The following NOTCH1 variants were observed in gnomAD, a reference collection of about 807,000 sequenced individuals.
NOTCH1 encodes notch receptor 1.
NOTCH1 carries 37 observed loss-of-function variants against 254.8 expected under a neutral mutation model. The ratio of observed to expected loss-of-function variants is 0.15; its 90% CI spans 0.11 to 0.19. The LOEUF (loss-of-function observed/expected upper bound fraction) is 0.19. Ranked by LOEUF, NOTCH1 falls within the 10% of genes least tolerant of loss-of-function variation. The probability of loss-of-function intolerance (pLI) is 1.00; values close to 1 mark genes in which losing one functional copy is unlikely to be tolerated. For missense variants in NOTCH1, 2,972 were observed against 3,708.6 expected, an observed-to-expected ratio of 0.80 and a Z score of 5.16; for synonymous variants, 1,731 against 1,618.1, an observed-to-expected ratio of 1.07 and a Z score of -1.68.
At chr9:136,498,365 C>A (rs1842948618) in intron 33 of NOTCH1, among the ~76,000 whole-genome samples, 1 of 152,118 alleles carries the variant, frequency 6.6e-6, no homozygotes, top group Admixed American at 6.5e-5. Context: ...CTGGGGGTGG[C>A]TCCCCTTGGA....
chr9:136,506,782 G>T lies in NOTCH1; in HGVS notation c.3835C>A (p.Arg1279Ser). The stretch of plus-strand genomic sequence containing the variant: ...CGCTGCACGCAGTTCTGGGTGCCAC[G>T]GGCGTCGCAGGGATTGGACAGGCAC... ...NECLSNPCDA[R>S]GTQNCVQRVN... The change falls in exon 23 of 34, where the codon CGT becomes AGT. Residue 1279 changes from arginine to serine, a missense_variant. By Grantham distance (110) the Arg-to-Ser change is moderately radical (BLOSUM62 -1). Coordinates refer to ENST00000651671, the MANE Select transcript of NOTCH1 (RefSeq NM_017617.5). This position sits in a 1 kb window ranked among gnomAD's most constrained non-coding sequence, Gnocchi z 4.5. 6.2e-7 allele frequency: 1 copy of T among 1,610,110 alleles called. No individual in the cohort carries two copies.
At chr9:136,526,997 C>T (rs1015874368) in intron 2 of NOTCH1, among the ~76,000 whole-genome samples, 10 of 152,216 alleles carry the variant, frequency 6.6e-5, no homozygotes, top group African/African-American at 2.4e-4. Flanking sequence ...GCCCCTGCCA[C>T]GGCCCCACAG....
intron 3 of NOTCH1, 150 bp from the exon 4 acceptor site, chr9:136,523,338 G>A (rs2133378257): frequency 1.3e-5 from 11 of 861,508 alleles, no homozygotes; most frequent in South Asian, 8.8e-5. Context: ...GAGACCGGTC[G>A]CCTTTGGCAG....
At chr9:136,517,982 C>T (rs1343387534) in intron 7 of NOTCH1, 45 bp from the exon 8 acceptor site, 5 of 1,598,026 alleles carry the variant, frequency 3.1e-6, no homozygotes, top group Non-Finnish European at 2.5e-6. Context: ...GCACCCTGGC[C>T]CCTGCAACAC....
At chr9:136,504,591 C>T (rs1812906932) in intron 26 of NOTCH1, 82 bp downstream of exon 26, 2 of 1,375,808 alleles carry the variant, frequency 1.5e-6, no homozygotes, top group Non-Finnish European at 1.9e-6. Flanking sequence ...TGCCATGGCG[C>T]CGGCCGTGAG....
chr9:136,527,914 G>A (rs1230094238), intron 2 of NOTCH1, among the ~76,000 whole-genome samples: 1 of 152,106 alleles, frequency 6.6e-6, no homozygotes, highest in Admixed American at 6.5e-5. Context: ...CTTTGTTCCC[G>A]CCTCAGTATT....
chr9:136,536,176 C>T (rs543740950), intron 2 of NOTCH1, among the ~76,000 whole-genome samples: 202 of 152,288 alleles, frequency 1.3e-3, no homozygotes, highest in Non-Finnish European at 1.6e-3. Context: ...CCAGGCACCC[C>T]GATGCTAACA....
chr9:136,540,135 G>A lies in NOTCH1; in HGVS notation c.140+3889C>T, dbSNP rs1458179457. Among the ~76,000 whole-genome samples the A allele has an allele frequency of 2.0e-5, 3 of 152,104 alleles. No homozygotes were observed. The highest frequency in any genetic ancestry group is 4.8e-5 in the African/African-American group (2 of 41,390). ...ATCCAGACAGCTTTACGGGGCTGCCGGGAGCTATGCCAGGCCACCACCGGG... is the reference window on the plus strand; with the variant it reads ...ATCCAGACAGCTTTACGGGGCTGCCAGGAGCTATGCCAGGCCACCACCGGG... On this transcript the variant is annotated intron_variant, in intron 2 of 33. Coordinates refer to ENST00000651671, the MANE Select transcript of NOTCH1 (RefSeq NM_017617.5). The surrounding 1 kb of genome is among the most constrained non-coding windows in gnomAD (Gnocchi z 4.4).
rs1350355952 is a variant in NOTCH1 at position 136,518,442 on chromosome 9, G to C, written c.1099+149C>G. Reference sequence around the variant, plus strand: ...CCGTGACACTTGGGACGTTCCGGGGGACTCACAGCGACCACCGGCCTCCCT... The same window carrying C: ...CCGTGACACTTGGGACGTTCCGGGGCACTCACAGCGACCACCGGCCTCCCT... On this transcript the variant is annotated intron_variant, in intron 6 of 33. Transcript: ENST00000651671. 5 of 1,132,210 alleles carry C rather than the reference G, an allele frequency of 4.4e-6. No individual in the cohort carries two copies. In the East Asian group the frequency reaches 1.0e-4, roughly 23 times the overall value. 70.1% of individuals were successfully genotyped at this position (1,132,210 alleles called of 1,614,324 possible).
In NOTCH1 at chr9:136,507,350, C is replaced by T. The variant is rs544640305; in HGVS notation, c.3598G>A (p.Asp1200Asn). Residue 1200 changes from aspartate (D) to asparagine (N), a missense_variant, in exon 22 of 34, where the codon GAC (aspartate) becomes AAC (asparagine). Coordinates refer to ENST00000651671, the MANE Select transcript of NOTCH1 (RefSeq NM_017617.5). ...GAGCACTTGTAGGTGTTGGGGAGGT[C>T]GAGGCAGGTGCCCCCGTTCTGGCAG... is the stretch of plus-strand genomic sequence containing the variant. Reference protein sequence around the residue: ...HPCQNGGTCLDLPNTYKCSCP... With the variant: ...HPCQNGGTCLNLPNTYKCSCP... The T allele has an allele frequency of 4.1e-5, 66 of 1,612,892 alleles. No individual in the cohort carries two copies. The Middle Eastern group carries it at 8.3e-4, about 20-fold the overall frequency.
At chr9:136,500,137 G>A (rs936168036) in intron 31 of NOTCH1, among the ~76,000 whole-genome samples, 13 of 152,212 alleles carry the variant, frequency 8.5e-5, no homozygotes, top group Non-Finnish European at 1.8e-4. Context: ...TGCAGGCACC[G>A]AGCGGCAGCC....
chr9:136,540,713 T>C lies in NOTCH1; in HGVS notation c.140+3311A>G, dbSNP rs1318112747. Among the ~76,000 whole-genome samples the C allele has an allele frequency of 4.6e-5, 7 of 151,702 alleles. No individual in the cohort carries two copies. The East Asian group carries it at 1.4e-3, about 30-fold the overall frequency. ...GCCAGGCCAGGCCTCAGACACGAGG[T>C]TGTCCAAAGCTAAAGCGCACCACCC... On this transcript the variant is annotated intron_variant, in intron 2 of 33. Transcript: ENST00000651671. This position sits in a 1 kb window ranked among gnomAD's most constrained non-coding sequence, Gnocchi z 4.4.
chr9:136,527,747 C>T (rs1195442176), intron 2 of NOTCH1, among the ~76,000 whole-genome samples: 1 of 152,224 alleles, frequency 6.6e-6, no homozygotes, highest in Non-Finnish European at 1.5e-5. Context: ...CCTGTCCCAT[C>T]CCCCACGCTC....
rs746313097 is a variant in NOTCH1 at position 136,514,541 on chromosome 9, C to T, written c.2176G>A (p.Val726Ile). 2.4e-5 allele frequency: 38 copies of T among 1,598,820 alleles called. No individual in the cohort carries two copies. The highest frequency in any genetic ancestry group is 1.6e-4 in the Middle Eastern group (1 of 6,066). ...EVNECNSNPC[V>I]HGACRDSLNG... ...AGGCTGTCCCGGCAGGCCCCGTGGA[C>T]GCAGGGGTTGCTGTTGCACTCATTG... Residue 726 changes from valine (V) to isoleucine (I), a missense_variant, in exon 13 of 34, where the codon GTC (valine) becomes ATC (isoleucine). This residue lies in a region of NOTCH1 where 1,343 missense variants were observed against 1,557.0 expected (regional missense o/e 0.86). Coordinates refer to ENST00000651671, the MANE Select transcript of NOTCH1 (RefSeq NM_017617.5).
chr9:136,507,554 G>A, intron 21 of NOTCH1, 117 bp from the exon 22 acceptor site: 1 of 1,410,998 alleles, frequency 7.1e-7, no homozygotes, highest in Non-Finnish European at 9.7e-7. Flanking sequence ...GTCCAGCGAA[G>A]CCACGGGCCC....
At chr9:136,520,230 A>G (rs1048121158) in intron 4 of NOTCH1, among the ~76,000 whole-genome samples, 5 of 152,196 alleles carry the variant, frequency 3.3e-5, no homozygotes, top group Admixed American at 6.5e-5. Context: ...GGCAACAGCC[A>G]AACCTGCAGC....
intron 31 of NOTCH1, 132 bp from the exon 32 acceptor site, chr9:136,499,391 G>A: frequency 7.4e-7 from 1 of 1,356,718 alleles, no homozygotes; most frequent in Non-Finnish European, 1.0e-6. Context: ...GATCGGCACG[G>A]CCGGGCAAGA....
chr9:136,529,714 C>T (rs1187841699), intron 2 of NOTCH1, among the ~76,000 whole-genome samples: 1 of 152,262 alleles, frequency 6.6e-6, no homozygotes, highest in Non-Finnish European at 1.5e-5. Context: ...GGCTAGGAGG[C>T]CCTGAAAGGC....
Position 136,506,425 on chromosome 9 carries a change from G to A in NOTCH1, c.4014+102C>T. 1.1e-6 allele frequency: 1 copy of A among 934,240 alleles called. No homozygotes were observed. The highest frequency in any genetic ancestry group is 2.7e-5 in the East Asian group (1 of 37,712). The allele number at this position is 934,240 out of a possible 1,614,324, so 57.9% of individuals were successfully genotyped here. ...CATCAGGGTGAGGAGGAGGATGAAGGCCGGGAGGATCACTGCCCGGTCTGC... is the reference window on the plus strand; with the variant it reads ...CATCAGGGTGAGGAGGAGGATGAAGACCGGGAGGATCACTGCCCGGTCTGC... On this transcript the variant is annotated intron_variant, in intron 24 of 33. Transcript: ENST00000651671. The surrounding 1 kb of genome is among the most constrained non-coding windows in gnomAD (Gnocchi z 4.5).
Sources: gnomAD v4.1 joint callset for allele counts (sites outside exome capture counted in the v4.1 genomes callset) on GRCh38, gnomAD v4.1.1 for gene constraint, gnomAD v4.1.1 regional missense constraint, Gnocchi (gnomAD v3.1) non-coding constraint, MANE v1.5 for transcripts, NCBI Gene and HGNC (gene_info 2026-07-23, HGNC 2026-07-21) for gene names.